AUTS2: variants seen among roughly 807,000 people sequenced by gnomAD.
AUTS2 encodes autism susceptibility gene 2 protein.
AUTS2 carries 17 observed loss-of-function variants against 112.4 expected under a neutral mutation model. That is an observed-to-expected ratio of 0.15 (90% CI 0.10 to 0.23). AUTS2 has a LOEUF of 0.23. AUTS2 is among the 10% of genes least tolerant of loss of function. AUTS2 has a pLI of 1.00. For missense variants in AUTS2, 1,510 were observed against 1,701.6 expected, an observed-to-expected ratio of 0.89 and a Z score of 1.98; for synonymous variants, 751 against 702.7, an observed-to-expected ratio of 1.07 and a Z score of -1.09.
At chr7:70,147,562 G>A (rs1171496805) in intron 4 of AUTS2, among the ~76,000 whole-genome samples, 2 of 152,218 alleles carry the variant, frequency 1.3e-5, no homozygotes, top group East Asian at 1.9e-4. Context: ...TGCTATAGAC[G>A]ATGCCTAGTG....
At chr7:70,170,078 T>G (rs567128869) in intron 4 of AUTS2, among the ~76,000 whole-genome samples, 7 of 150,456 alleles carry the variant, frequency 4.7e-5, no homozygotes, top group South Asian at 2.1e-4. Context: ...ATAATAGAGG[T>G]TTTTTTTTAT....
At chr7:70,090,625 A>G (rs1365210006) in intron 2 of AUTS2, among the ~76,000 whole-genome samples, 3 of 150,652 alleles carry the variant, frequency 2.0e-5, no homozygotes, top group Non-Finnish European at 4.4e-5. Context: ...CTTTACATAG[A>G]TGCATTTCTA....
At chr7:70,496,163 A>T (rs1798484500) in intron 5 of AUTS2, among the ~76,000 whole-genome samples, 1 of 120,696 alleles carries the variant, frequency 8.3e-6, no homozygotes, top group African/African-American at 3.1e-5. Context: ...CACACCACGT[A>T]CACAGTCACA....
At chr7:70,553,858 C>G (rs1022247609) in intron 5 of AUTS2, among the ~76,000 whole-genome samples, 3 of 149,422 alleles carry the variant, frequency 2.0e-5, no homozygotes, top group Non-Finnish European at 4.4e-5. Flanking sequence ...CCTCCGCCTC[C>G]CGGGTTGAAG....
chr7:70,774,569 A>G (rs1196173932), intron 12 of AUTS2, among the ~76,000 whole-genome samples: 2 of 152,052 alleles, frequency 1.3e-5, no homozygotes, highest in Non-Finnish European at 2.9e-5. Context: ...TCTATTTTTA[A>G]TGTGCTAGGG....
At chr7:69,786,112 T>C (rs1036244824) in intron 1 of AUTS2, among the ~76,000 whole-genome samples, 2 of 152,220 alleles carry the variant, frequency 1.3e-5, no homozygotes, top group Non-Finnish European at 2.9e-5. Flanking sequence ...GAGTGGGGAC[T>C]TGCAAAACTT....
At chr7:69,959,347 A>G (rs1190488348) in intron 2 of AUTS2, among the ~76,000 whole-genome samples, 1 of 152,304 alleles carries the variant, frequency 6.6e-6, no homozygotes, top group Non-Finnish European at 1.5e-5. Context: ...AGTTCTCTCA[A>G]AAATCCTTGG....
intron 4 of AUTS2, among the ~76,000 whole-genome samples, chr7:70,390,219 A>G (rs145630660): frequency 4.6e-5 from 7 of 152,358 alleles, no homozygotes; most frequent in African/African-American, 1.4e-4. Flanking sequence ...AGTGGTTCTC[A>G]GACTTTGACA....
At chr7:69,645,675 C>T (rs1233191559) in intron 1 of AUTS2, among the ~76,000 whole-genome samples, 3 of 152,094 alleles carry the variant, frequency 2.0e-5, no homozygotes, top group African/African-American at 7.2e-5. Context: ...AGTGCCCAAT[C>T]CCCTCAGTGT....
intron 1 of AUTS2, among the ~76,000 whole-genome samples, chr7:69,747,968 A>AT (rs1030302878): frequency 2.0e-5 from 3 of 151,702 alleles, no homozygotes; most frequent in South Asian, 2.1e-4. Flanking sequence ...TTAGCATTGT[A>AT]TTTTTTTTCC....
intron 6 of AUTS2, among the ~76,000 whole-genome samples, chr7:70,749,326 T>A (rs573534953): frequency 6.6e-6 from 1 of 152,098 alleles, no homozygotes; most frequent in Admixed American, 6.5e-5. Context: ...CTGTGCAAAC[T>A]TGAATGTGCA....
intron 4 of AUTS2, among the ~76,000 whole-genome samples, chr7:70,377,353 T>G (rs981002935): frequency 4.3e-5 from 5 of 115,704 alleles, no homozygotes; most frequent in African/African-American, 6.9e-5. Context: ...TATATATATA[T>G]ATATATATAT....
chr7:70,331,237 G>T (rs1790730482), intron 4 of AUTS2, among the ~76,000 whole-genome samples: 1 of 152,070 alleles, frequency 6.6e-6, no homozygotes, highest in Non-Finnish European at 1.5e-5. Context: ...TTTGTTATTG[G>T]TCTATTCAGG....
chr7:70,250,362 C>T (rs1328666051), intron 4 of AUTS2, among the ~76,000 whole-genome samples: 1 of 152,196 alleles, frequency 6.6e-6, no homozygotes, highest in Non-Finnish European at 1.5e-5. Flanking sequence ...CAGACCTGCA[C>T]ATTTGCAGCA....
chr7:69,817,009 T>C (rs1469828737), intron 1 of AUTS2, among the ~76,000 whole-genome samples: 2 of 152,214 alleles, frequency 1.3e-5, no homozygotes, highest in Non-Finnish European at 2.9e-5. Context: ...AAAATGAAGA[T>C]AGTAATAGTA....
intron 4 of AUTS2, among the ~76,000 whole-genome samples, chr7:70,380,364 C>T (rs1793311860): frequency 6.6e-6 from 1 of 152,184 alleles, no homozygotes; most frequent in Non-Finnish European, 1.5e-5. Context: ...GTAATTTCAG[C>T]TGCATATGTT....
At chr7:70,388,673 T>C (rs914442313) in intron 4 of AUTS2, among the ~76,000 whole-genome samples, 2 of 152,224 alleles carry the variant, frequency 1.3e-5, no homozygotes, top group African/African-American at 4.8e-5. Flanking sequence ...CTCTCTATAC[T>C]TATTTTAGGT....
chr7:70,086,127 T>A (rs558876742), intron 2 of AUTS2, among the ~76,000 whole-genome samples: 1 of 152,310 alleles, frequency 6.6e-6, no homozygotes, highest in Non-Finnish European at 1.5e-5. Context: ...CTTTTCAAAG[T>A]TGTTTTGGCT....
intron 2 of AUTS2, among the ~76,000 whole-genome samples, chr7:70,017,911 G>T (rs1311871345): frequency 6.6e-6 from 1 of 150,668 alleles, no homozygotes; most frequent in Non-Finnish European, 1.5e-5. Flanking sequence ...ATTTGGAAGG[G>T]TGATGTTGAC....
Sources: allele counts gnomAD v4.1 joint callset (sites outside exome capture counted in the v4.1 genomes callset), GRCh38; gene constraint gnomAD v4.1.1; transcripts MANE v1.5; gene names NCBI Gene and HGNC (gene_info 2026-07-23, HGNC 2026-07-21).